Variants in KIF19 observed in about 807,000 individuals in gnomAD.
The protein encoded by KIF19 is kinesin family member 19.
Under a neutral mutation model 106.6 loss-of-function variants are expected in KIF19, and 98 were observed. That is an observed-to-expected ratio of 0.92 (90% CI 0.78 to 1.09). KIF19 has a LOEUF of 1.09. Ranked by LOEUF, KIF19 falls within the 50% of genes least tolerant of loss-of-function variation. The pLI, the probability that KIF19 is intolerant of heterozygous loss-of-function variation, is 0.00. For synonymous variants in KIF19, 516 were observed against 584.2 expected (o/e 0.88, Z 1.68); for missense variants, 1,373 against 1,414.3 (o/e 0.97, Z 0.47).
At chr17:74,342,481 A>T in intron 3 of KIF19, 149 bp from the exon 4 acceptor site, 1 of 639,880 alleles carries the variant, frequency 1.6e-6, no homozygotes, top group South Asian at 1.8e-5. Context: ...AAGCAGAGAC[A>T]TCCCCTCCCC....
chr17:74,350,757 G>T lies in KIF19; in HGVS notation c.1439G>T (p.Arg480Leu). ...GCCCTCAAATGGCGGGAGGAGCAGCGAAAGGAGTGCTACGCTAAGGACGAC... is the reference window on the plus strand; with the variant it reads ...GCCCTCAAATGGCGGGAGGAGCAGCTAAAGGAGTGCTACGCTAAGGACGAC... ...RRALKWREEQ[R>L]KECYAKDDSE... Residue 480 changes from arginine (R) to leucine (L), a missense_variant, in exon 12 of 20, where the codon CGA (arginine) becomes CTA (leucine). Around this residue, in one of 3 missense-constraint regions of KIF19, gnomAD observed 1,020 missense variants for 1,008.2 expected, o/e 1.01. Transcript: ENST00000389916. The T allele has an allele frequency of 6.2e-7, 1 of 1,613,976 alleles. No homozygotes were observed. Among genetic ancestry groups the T allele is most frequent in the Non-Finnish European group, 8.5e-7 (1 of 1,179,902 alleles).
At chr17:74,335,180 G>C (rs1273788190) in intron 2 of KIF19, among the ~76,000 whole-genome samples, 1 of 152,172 alleles carries the variant, frequency 6.6e-6, no homozygotes, top group Non-Finnish European at 1.5e-5. Flanking sequence ...GTCACAACCG[G>C]GGGAAGGGTG....
rs544941702 is a variant in KIF19 at position 74,347,708 on chromosome 17, C to T, written c.925-69C>T. On this transcript the variant is annotated intron_variant, in intron 8 of 19. Coordinates refer to ENST00000389916, the MANE Select transcript of KIF19 (RefSeq NM_153209.4). ...AGATTGCACTCGCCAGGGAGGGCATCGTGAACAGCCTGGCAGGAGGAAGGC... is the reference window on the plus strand; with the variant it reads ...AGATTGCACTCGCCAGGGAGGGCATTGTGAACAGCCTGGCAGGAGGAAGGC... 1.8e-5 allele frequency: 27 copies of T among 1,538,668 alleles called. 1 individual carries two copies. In the South Asian group the frequency reaches 2.4e-4, roughly 14 times the overall value.
chr17:74,327,536 A>G (rs1385586629), intron 1 of KIF19, among the ~76,000 whole-genome samples: 4 of 152,090 alleles, frequency 2.6e-5, no homozygotes, highest in African/African-American at 9.7e-5. Flanking sequence ...GGCTGGAGTG[A>G]AGTGGTGCGA....
At position 74,353,252 on chromosome 17, in the gene KIF19, C is replaced by A; in HGVS notation, c.2171C>A (p.Ser724Tyr). 1 of 1,585,204 alleles carries A rather than the reference C, an allele frequency of 6.3e-7. No homozygotes were observed. Among genetic ancestry groups the A allele is most frequent in the East Asian group, 2.3e-5 (1 of 43,166 alleles). ...GTGAWQAKSS[S>Y]VPTPPPIQLG... ...GGGGCCTGGCAGGCAAAAAGCTCCT[C>A]TGTGCCCACCCCACCTCCCATCCAG... The change falls in exon 16 of 20, where the codon TCT becomes TAT. Residue 724 changes from serine to tyrosine, a missense_variant. Coordinates refer to ENST00000389916, the MANE Select transcript of KIF19 (RefSeq NM_153209.4).
Position 74,354,542 on chromosome 17 carries a change from G to T in KIF19, c.2689G>T (p.Glu897Ter). 1 of 1,597,178 alleles carries T rather than the reference G, an allele frequency of 6.3e-7. No individual in the cohort carries two copies. Among genetic ancestry groups the T allele is most frequent in the Non-Finnish European group, 8.5e-7 (1 of 1,173,102 alleles). Reference protein sequence around the residue: ...KRRKRRSRSFEVTGQGLSHPK... With the variant: ...KRRKRRSRSF Reference sequence around the variant, plus strand: ...AAGGAAGCGGAGGTCCCGATCCTTCGAGGTCACCGGGCAAGGGGTGAGGCG... The same window carrying T: ...AAGGAAGCGGAGGTCCCGATCCTTCTAGGTCACCGGGCAAGGGGTGAGGCG... The change falls in exon 18 of 20, where the codon GAG becomes TAG. Residue 897 changes from glutamate (E) to a stop codon, truncating the protein, a stop_gained. Transcript: ENST00000389916. LOFTEE classifies it high-confidence loss of function.
chr17:74,349,988 G>A (rs922307868), intron 10 of KIF19, among the ~76,000 whole-genome samples: 10 of 152,046 alleles, frequency 6.6e-5, no homozygotes, highest in Admixed American at 4.6e-4. Flanking sequence ...TAGTAGAGAC[G>A]AGGTTTCACC....
At chr17:74,338,954 G>C (rs1196164839) in intron 2 of KIF19, among the ~76,000 whole-genome samples, 1 of 151,884 alleles carries the variant, frequency 6.6e-6, no homozygotes, top group Non-Finnish European at 1.5e-5. Flanking sequence ...ACCAGCCCTG[G>C]CTCCCCTGCT....
In KIF19 at chr17:74,347,832, G is replaced by T. The variant is rs1364177314; in HGVS notation, c.980G>T (p.Ser327Ile). Reference protein sequence around the residue: ...TVMIAHISPASSAFEESRNTL... With the variant: ...TVMIAHISPAISAFEESRNTL... ...ATGATCGCTCACATCAGTCCTGCGA[G>T]CAGTGCCTTCGAGGAGTCCCGGAAC... The change falls in exon 9 of 20, where the codon AGC (serine) becomes ATC (isoleucine). Residue 327 changes from serine to isoleucine, a missense_variant. Transcript: ENST00000389916. 2 of 1,587,230 alleles carry T rather than the reference G, an allele frequency of 1.3e-6. No individual in the cohort carries two copies. Among genetic ancestry groups the T allele is most frequent in the East Asian group, 4.6e-5 (2 of 43,450 alleles).
Position 74,331,020 on chromosome 17 carries a change from T to C in KIF19, c.120+2515T>C, listed in dbSNP as rs576990500. 6.6e-5 allele frequency among the ~76,000 whole-genome samples: 10 copies of C among 152,260 alleles called. No homozygotes were observed. The South Asian group carries it at 2.1e-3, about 32-fold the overall frequency. ...AGCCATAACTGCCAGGCTGGGACCCTTCTAGTAACAAACACTGTCCCTCTG... is the reference window on the plus strand; with the variant it reads ...AGCCATAACTGCCAGGCTGGGACCCCTCTAGTAACAAACACTGTCCCTCTG... On this transcript the variant is annotated intron_variant, in intron 2 of 19. Coordinates refer to ENST00000389916, the MANE Select transcript of KIF19 (RefSeq NM_153209.4). The surrounding 1 kb of genome is among the most constrained non-coding windows in gnomAD (Gnocchi z 4.1).
intron 18 of KIF19, 103 bp from the exon 19 acceptor site, chr17:74,354,679 C>T: frequency 3.3e-6 from 5 of 1,520,660 alleles, no homozygotes; most frequent in Non-Finnish European, 4.4e-6. Context: ...GAGGCACCAC[C>T]CTCCACAGTC....
Position 74,349,284 on chromosome 17 carries a change from A to G in KIF19, c.1148A>G (p.Asp383Gly), listed in dbSNP as rs1447687190. 4 of 1,613,018 alleles carry G rather than the reference A, an allele frequency of 2.5e-6. No homozygotes were observed. The highest frequency in any genetic ancestry group is 3.4e-6 in the Non-Finnish European group (4 of 1,179,706). Reference protein sequence around the residue: ...GEIQRLKRKIDEQTGRGQARG... With the variant: ...GEIQRLKRKIGEQTGRGQARG... Reference sequence around the variant, plus strand: ...ATCCAGCGACTCAAGCGCAAGATTGATGAGCAGACTGGGCGGGGCCAGGCC... The same window carrying G: ...ATCCAGCGACTCAAGCGCAAGATTGGTGAGCAGACTGGGCGGGGCCAGGCC... The change falls in exon 10 of 20, where the codon GAT becomes GGT. Residue 383 changes from aspartate (D) to glycine (G), a missense_variant. This residue lies in a region of KIF19 where 1,020 missense variants were observed against 1,008.2 expected (regional missense o/e 1.01). Transcript: ENST00000389916.
chr17:74,354,826 G>C lies in KIF19; in HGVS notation c.2751G>C (p.Glu917Asp). 2 of 1,560,446 alleles carry C rather than the reference G, an allele frequency of 1.3e-6. No individual in the cohort carries two copies. Among genetic ancestry groups the C allele is most frequent in the Non-Finnish European group, 1.7e-6 (2 of 1,152,466 alleles). ...KTHLLGPHQA[E>D]RISDHRMPVC... ...ACCTCCTGGGGCCCCATCAGGCGGA[G>C]CGCATCTCGGACCACAGGATGCCAG... The change falls in exon 19 of 20, where the codon GAG (glutamate) becomes GAC (aspartate). Residue 917 changes from glutamate to aspartate, a missense_variant. Glu to Asp is a conservative substitution (Grantham distance 45). This residue lies in a region of KIF19 where 1,020 missense variants were observed against 1,008.2 expected (regional missense o/e 1.01). Coordinates refer to ENST00000389916, the MANE Select transcript of KIF19 (RefSeq NM_153209.4).
At chr17:74,333,006 T>C (rs1160032576) in intron 2 of KIF19, among the ~76,000 whole-genome samples, 1 of 152,122 alleles carries the variant, frequency 6.6e-6, no homozygotes, top group Admixed American at 6.5e-5. Context: ...GCCACGCAAC[T>C]GGGAGGCTGT....
chr17:74,351,780 T>G, intron 12 of KIF19, 87 bp from the exon 13 acceptor site: 2 of 1,331,286 alleles, frequency 1.5e-6, no homozygotes, highest in South Asian at 1.8e-5. Context: ...ATGCCTGGAG[T>G]CCAGGCGCTG....
In KIF19 at chr17:74,344,367, G is replaced by A; in HGVS notation, c.582+19G>A. Reference sequence around the variant, plus strand: ...CAAGGAGGCGAGTTTTGTGTGGCCAGCCTGGAGCCGCTGAGAGGAAGCTCA... The same window carrying A: ...CAAGGAGGCGAGTTTTGTGTGGCCAACCTGGAGCCGCTGAGAGGAAGCTCA... On this transcript the variant is annotated intron_variant, in intron 6 of 19. Transcript: ENST00000389916. The A allele has an allele frequency of 1.2e-6, 2 of 1,608,778 alleles. No homozygotes were observed. The highest frequency in any genetic ancestry group is 2.2e-5 in the East Asian group (1 of 44,740).
chr17:74,335,601 C>T (rs2054198895), intron 2 of KIF19, among the ~76,000 whole-genome samples: 1 of 152,252 alleles, frequency 6.6e-6, no homozygotes, highest in South Asian at 2.1e-4. Flanking sequence ...AAGAGCAGGG[C>T]TGGGAGAGGA....
rs182209524 is a variant in KIF19 at position 74,331,876 on chromosome 17, C to T, written c.120+3371C>T. 4.7e-4 allele frequency among the ~76,000 whole-genome samples: 71 copies of T among 152,194 alleles called. No individual in the cohort carries two copies. The highest frequency in any genetic ancestry group is 7.1e-4 in the Non-Finnish European group (48 of 68,000). On this transcript the variant is annotated intron_variant, in intron 2 of 19. Transcript: ENST00000389916. The surrounding 1 kb of genome is among the most constrained non-coding windows in gnomAD (Gnocchi z 4.1). ...ACAGGTGTGAGCCACTGTGCCCAGCCGGTTTGGATTTTTAATGGGGATAGT... is the reference window on the plus strand; with the variant it reads ...ACAGGTGTGAGCCACTGTGCCCAGCTGGTTTGGATTTTTAATGGGGATAGT...
At chr17:74,348,986 A>G (rs766896561) in intron 9 of KIF19, 198 bp from the exon 10 acceptor site, 3 of 591,592 alleles carry the variant, frequency 5.1e-6, no homozygotes, top group Non-Finnish European at 8.9e-6. Context: ...CGTTCCCCGC[A>G]GGCATTAGGA....
Sources: gnomAD v4.1 joint callset for allele counts (sites outside exome capture counted in the v4.1 genomes callset) on GRCh38, gnomAD v4.1.1 for gene constraint, gnomAD v4.1.1 regional missense constraint, Gnocchi (gnomAD v3.1) non-coding constraint, MANE v1.5 for transcripts, NCBI Gene and HGNC (gene_info 2026-07-23, HGNC 2026-07-21) for gene names.